Variants in FAM117A observed in about 807,000 individuals in gnomAD.
FAM117A encodes the protein protein FAM117A.
In FAM117A, 21 loss-of-function variants were observed where a neutral mutation model predicts 44.1. The ratio of observed to expected loss-of-function variants is 0.48; its 90% CI spans 0.34 to 0.69. The LOEUF (loss-of-function observed/expected upper bound fraction) is 0.69. Among genes scored for constraint, FAM117A ranks in the 30% least tolerant of loss-of-function variants. The pLI is 0.01. For missense variants in FAM117A, 498 were observed against 589.9 expected, an observed-to-expected ratio of 0.84 and a Z score of 1.61; for synonymous variants, 220 against 238.3, an observed-to-expected ratio of 0.92 and a Z score of 0.71.
Position 49,719,727 on chromosome 17 carries a change from TGTGGGTGCACTCAGG to T in FAM117A, c.708+18_708+32del. 1 of 1,525,758 alleles carries T rather than the reference TGTGGGTGCACTCAGG, an allele frequency of 6.6e-7. No homozygotes were observed. Among genetic ancestry groups the T allele is most frequent in the Non-Finnish European group, 8.8e-7 (1 of 1,139,512 alleles). 94.5% of individuals were successfully genotyped at this position (1,525,758 alleles called of 1,614,324 possible). A position where few individuals can be genotyped will look rare whatever the true frequency, so the allele number is the denominator to read the frequency against. The stretch of plus-strand genomic sequence containing the variant: ...CGCCCAGGCCAAGTGAGGCACGGAC[TGTGGGTGCACTCAGG>T]GTGCAGCCGCCACTCACCCTCAGCA... On this transcript the variant is annotated intron_variant, in intron 5 of 7. Transcript: ENST00000240364.
rs1413227946 is a variant in FAM117A at position 49,719,820 on chromosome 17, C to G, written c.648G>C (p.Gly216=). 1 of 1,606,978 alleles carries G rather than the reference C, an allele frequency of 6.2e-7. No individual in the cohort carries two copies. The highest frequency in any genetic ancestry group is 1.1e-5 in the South Asian group (1 of 90,064). Residue 216 remains glycine (G), a synonymous_variant, in exon 5 of 8, where the codon GGG becomes GGC. Transcript: ENST00000240364. The stretch of plus-strand genomic sequence containing the variant: ...ATACCTCCTCCAGCTCTTGGTTGAG[C>G]CCTTCCAGGCTCCTGTGCAGGCAGG... ...LSPCLHRSLE[G]LNQELEEVFV... is the part of the protein sequence containing the mutation.
intron 5 of FAM117A, 133 bp downstream of exon 5, chr17:49,719,627 G>A (rs2073523667): frequency 9.1e-7 from 1 of 1,095,442 alleles, no homozygotes. Flanking sequence ...TCCTTTTGCA[G>A]GCTGGTGTTT....
chr17:49,749,829 G>C (rs920822741), intron 1 of FAM117A, among the ~76,000 whole-genome samples: 1 of 148,324 alleles, frequency 6.7e-6, no homozygotes, highest in East Asian at 1.9e-4. Flanking sequence ...GGTCCAGCTA[G>C]AGTAGTAAGG....
intron 1 of FAM117A, among the ~76,000 whole-genome samples, chr17:49,760,705 C>T (rs979859340): frequency 1.3e-5 from 2 of 152,176 alleles, no homozygotes; most frequent in East Asian, 1.9e-4. Flanking sequence ...CAGACAGACA[C>T]GCTAAACAAG....
At chr17:49,730,836 C>CA (rs1289014200) in intron 2 of FAM117A, among the ~76,000 whole-genome samples, 1 of 152,112 alleles carries the variant, frequency 6.6e-6, no homozygotes, top group Non-Finnish European at 1.5e-5. Flanking sequence ...TTTGTAGATC[C>CA]AAAGAGGGCC....
intron 1 of FAM117A, among the ~76,000 whole-genome samples, chr17:49,760,457 T>G (rs942017042): frequency 2.6e-5 from 4 of 152,096 alleles, no homozygotes; most frequent in African/African-American, 9.7e-5. Context: ...TAGACAATAT[T>G]TAAATGAAGC....
intron 1 of FAM117A, among the ~76,000 whole-genome samples, chr17:49,779,773 T>C (rs1439278196): frequency 6.6e-6 from 1 of 152,216 alleles, no homozygotes; most frequent in East Asian, 1.9e-4. Context: ...CCAGGGGTAT[T>C]AATGGAAGCC....
chr17:49,772,772 G>A (rs538412627), intron 1 of FAM117A, among the ~76,000 whole-genome samples: 1 of 152,108 alleles, frequency 6.6e-6, no homozygotes, highest in African/African-American at 2.4e-5. Flanking sequence ...CCAGTTCAAA[G>A]ATATGAAAAT....
At chr17:49,734,736 G>A (rs2073603111) in intron 1 of FAM117A, among the ~76,000 whole-genome samples, 1 of 152,112 alleles carries the variant, frequency 6.6e-6, no homozygotes, top group African/African-American at 2.4e-5. Flanking sequence ...CCGAAAGCAG[G>A]GACTTGAAGC....
chr17:49,712,324 C>A (rs142993788), intron 7 of FAM117A, among the ~76,000 whole-genome samples: 27 of 152,250 alleles, frequency 1.8e-4, no homozygotes, highest in Non-Finnish European at 2.5e-4. Flanking sequence ...TTGTCCTGTG[C>A]ATTGTAAGAT....
intron 1 of FAM117A, among the ~76,000 whole-genome samples, chr17:49,787,937 C>G (rs903806549): frequency 2.6e-5 from 4 of 152,204 alleles, no homozygotes; most frequent in African/African-American, 9.7e-5. Context: ...GACTCTGGTA[C>G]TGCATTCCCC....
chr17:49,756,786 C>A (rs774903587), intron 1 of FAM117A, among the ~76,000 whole-genome samples: 4 of 151,834 alleles, frequency 2.6e-5, no homozygotes, highest in Non-Finnish European at 4.4e-5. Context: ...CGTGGTGGCA[C>A]ACTTGTGTAG....
intron 1 of FAM117A, among the ~76,000 whole-genome samples, chr17:49,785,863 G>GA (rs1473574800): frequency 6.6e-6 from 1 of 152,294 alleles, no homozygotes; most frequent in Admixed American, 6.5e-5. Context: ...AAAAGCCTGA[G>GA]AAAATAGAAA....
intron 1 of FAM117A, among the ~76,000 whole-genome samples, chr17:49,787,455 G>A (rs1323584995): frequency 6.6e-6 from 1 of 152,220 alleles, no homozygotes; most frequent in Non-Finnish European, 1.5e-5. Flanking sequence ...GAGAGTGCTG[G>A]CTAAAGGTCT....
chr17:49,775,895 G>T (rs2073774262), intron 1 of FAM117A, among the ~76,000 whole-genome samples: 1 of 152,142 alleles, frequency 6.6e-6, no homozygotes, highest in East Asian at 1.9e-4. Context: ...TTGAGTTAGG[G>T]TTTAGATACC....
chr17:49,739,846 G>A (rs1297196716), intron 1 of FAM117A, among the ~76,000 whole-genome samples: 4 of 152,218 alleles, frequency 2.6e-5, no homozygotes, highest in African/African-American at 4.8e-5. Context: ...TTACAGCACC[G>A]TGGGGTATTA....
upstream of FAM117A, among the ~76,000 whole-genome samples, chr17:49,765,147 A>T (rs1012771464): frequency 6.6e-6 from 1 of 152,236 alleles, no homozygotes; most frequent in Non-Finnish European, 1.5e-5. Flanking sequence ...CATTTAAGAT[A>T]CTATTAAAAA....
intron 1 of FAM117A, among the ~76,000 whole-genome samples, chr17:49,742,940 C>T (rs911576830): frequency 2.6e-5 from 4 of 152,148 alleles, no homozygotes; most frequent in Admixed American, 2.0e-4. Flanking sequence ...GGTATGTGCA[C>T]CCCCACAAGC....
upstream of FAM117A, among the ~76,000 whole-genome samples, chr17:49,764,991 G>A (rs989564980): frequency 1.3e-4 from 20 of 152,162 alleles, 1 homozygote; most frequent in Non-Finnish European, 2.8e-4. Flanking sequence ...TTTGCACCGC[G>A]ACTCCGTTAA....
Sources: allele counts gnomAD v4.1 joint callset (sites outside exome capture counted in the v4.1 genomes callset), GRCh38; gene constraint gnomAD v4.1.1; transcripts MANE v1.5; gene names NCBI Gene and HGNC (gene_info 2026-07-23, HGNC 2026-07-21).